The following GJB5 variants were observed in gnomAD, a reference collection of about 807,000 sequenced individuals.
GJB5 encodes gap junction beta-5 protein.
For missense variants in GJB5, 333 were observed against 357.9 expected (o/e 0.93, Z 0.56); for synonymous variants, 146 against 145.5 (o/e 1.00, Z -0.02).
chr1:34,757,832 C>A lies in GJB5; in HGVS notation c.502C>A (p.Pro168Thr). Residue 168 changes from proline (P) to threonine (T), a missense_variant, in exon 2 of 2, where the codon CCA (proline) becomes ACA (threonine). Transcript: ENST00000338513. ...TCCTGTGGTCAAGTGCCACGCAGATCCATGTCCCAATATAGTGGACTGCTT... is the reference window on the plus strand; with the variant it reads ...TCCTGTGGTCAAGTGCCACGCAGATACATGTCCCAATATAGTGGACTGCTT... ...LPPVVKCHAD[P>T]CPNIVDCFIS... 1 of 1,613,962 alleles carries A rather than the reference C, an allele frequency of 6.2e-7. No individual in the cohort carries two copies. The highest frequency in any genetic ancestry group is 8.5e-7 in the Non-Finnish European group (1 of 1,179,982).
In GJB5 at chr1:34,757,893, T is replaced by G. The variant is rs771154775; in HGVS notation, c.563T>G (p.Leu188Arg). ...CCCTCAGAGAAGAACATTTTCACCCTCTTCATGGTGGCCACAGCTGCCATC... is the reference window on the plus strand; with the variant it reads ...CCCTCAGAGAAGAACATTTTCACCCGCTTCATGGTGGCCACAGCTGCCATC... ...SKPSEKNIFT[L>R]FMVATAAICI... Residue 188 changes from leucine (L) to arginine (R), a missense_variant, in exon 2 of 2, where the codon CTC becomes CGC. Physicochemically the swap from Leu to Arg is moderately radical, Grantham distance 102. Transcript: ENST00000338513. 7 of 1,613,818 alleles carry G rather than the reference T, an allele frequency of 4.3e-6. No individual in the cohort carries two copies. The African/African-American group carries it at 8.0e-5, about 18-fold the overall frequency.
In GJB5 at chr1:34,758,067, G is replaced by T. The variant is rs747402585; in HGVS notation, c.737G>T (p.Gly246Val). 4.3e-6 allele frequency: 7 copies of T among 1,613,980 alleles called. No individual in the cohort carries two copies. In the South Asian group the frequency reaches 6.6e-5, roughly 15 times the overall value. ...SSCKQDDLLS[G>V]DLIFLGSDSH... ...TGCAAACAAGACGACCTCCTTTCGG[G>T]TGACCTCATCTTTCTGGGCTCAGAC... is the stretch of plus-strand genomic sequence containing the variant. Residue 246 changes from glycine (G) to valine (V), a missense_variant, in exon 2 of 2, where the codon GGT (glycine) becomes GTT (valine). Coordinates refer to ENST00000338513, the MANE Select transcript of GJB5 (RefSeq NM_005268.4).
intron 1 of GJB5, among the ~76,000 whole-genome samples, chr1:34,756,847 T>C (rs143538726): frequency 2.0e-5 from 3 of 152,256 alleles, no homozygotes; most frequent in African/African-American, 7.2e-5. Flanking sequence ...CAGGTTCCCC[T>C]GGGGAAGGGG....
rs1465501279 is a variant in GJB5, at chr1:34,758,015, C to T, written c.685C>T (p.His229Tyr). Residue 229 changes from histidine (H) to tyrosine (Y), a missense_variant, in exon 2 of 2, where the codon CAT becomes TAT. Physicochemically the swap from His to Tyr is moderately conservative, Grantham distance 83. Coordinates refer to ENST00000338513, the MANE Select transcript of GJB5 (RefSeq NM_005268.4). Reference protein sequence around the residue: ...ARKAQAMCTGHHPHGTTSSCK... With the variant: ...ARKAQAMCTGYHPHGTTSSCK... Reference sequence around the variant, plus strand: ...GAAAGCTCAAGCCATGTGCACAGGTCATCACCCCCACGGTACCACCTCTTC... The same window carrying T: ...GAAAGCTCAAGCCATGTGCACAGGTTATCACCCCCACGGTACCACCTCTTC... The T allele has an allele frequency of 1.9e-6, 3 of 1,613,858 alleles. No individual in the cohort carries two copies. The highest frequency in any genetic ancestry group is 2.7e-5 in the African/African-American group (2 of 74,886).
At position 34,755,413 on chromosome 1, in the gene GJB5, C is replaced by T. The variant is rs1361184758; in HGVS notation, c.-25+218C>T. Among the ~76,000 whole-genome samples, 10 of 152,324 alleles carry T rather than the reference C, an allele frequency of 6.6e-5. No homozygotes were observed. The South Asian group carries it at 1.9e-3, about 28-fold the overall frequency. On this transcript the variant is annotated intron_variant, in intron 1 of 1. Transcript: ENST00000338513. Reference sequence around the variant, plus strand: ...AAGCTCAGCAGGCAGGGTAGCTCTGCCTGGGCCTGCAAAGCCCTGCCCCAC... The same window carrying T: ...AAGCTCAGCAGGCAGGGTAGCTCTGTCTGGGCCTGCAAAGCCCTGCCCCAC...
At chr1:34,756,064 G>A (rs916479345) in intron 1 of GJB5, among the ~76,000 whole-genome samples, 1 of 152,216 alleles carries the variant, frequency 6.6e-6, no homozygotes, top group Admixed American at 6.5e-5. Context: ...AGGCTCCAGA[G>A]AGCCTGGTGA....
intron 1 of GJB5, among the ~76,000 whole-genome samples, chr1:34,755,613 T>C (rs775991722): frequency 5.5e-5 from 8 of 145,054 alleles, no homozygotes; most frequent in Non-Finnish European, 1.2e-4. Flanking sequence ...CCATCCCCCG[T>C]CCAAGTGGCG....
chr1:34,756,109 G>A (rs895933154), intron 1 of GJB5, among the ~76,000 whole-genome samples: 6 of 152,206 alleles, frequency 3.9e-5, no homozygotes, highest in African/African-American at 1.4e-4. Context: ...AGGCCATCAT[G>A]AGCCCTTTAG....
At position 34,757,468 on chromosome 1, in the gene GJB5, T is replaced by C; in HGVS notation, c.138T>C (p.Asp46=). 1 of 1,614,166 alleles carries C rather than the reference T, an allele frequency of 6.2e-7. No individual in the cohort carries two copies. The highest frequency in any genetic ancestry group is 8.5e-7 in the Non-Finnish European group (1 of 1,180,036). ...YLVTAERVWS[D]DHKDFDCNTR... ...TGACGGCCGAGCGTGTGTGGAGTGATGACCACAAGGACTTCGACTGCAATA... is the reference window on the plus strand; with the variant it reads ...TGACGGCCGAGCGTGTGTGGAGTGACGACCACAAGGACTTCGACTGCAATA... The change falls in exon 2 of 2, where the codon GAT becomes GAC. Residue 46 remains aspartate, a synonymous_variant. Transcript: ENST00000338513.
rs148092547 is a variant in GJB5 at position 34,758,064 on chromosome 1, C to T, written c.734C>T (p.Ser245Leu). The change falls in exon 2 of 2, where the codon TCG becomes TTG. Residue 245 changes from serine to leucine, a missense_variant. Ser to Leu is a moderately radical substitution (Grantham distance 145). Coordinates refer to ENST00000338513, the MANE Select transcript of GJB5 (RefSeq NM_005268.4). ...TCCTGCAAACAAGACGACCTCCTTTCGGGTGACCTCATCTTTCTGGGCTCA... is the reference window on the plus strand; with the variant it reads ...TCCTGCAAACAAGACGACCTCCTTTTGGGTGACCTCATCTTTCTGGGCTCA... ...TSSCKQDDLLSGDLIFLGSDS... is the reference protein window; with the variant it reads ...TSSCKQDDLLLGDLIFLGSDS... The T allele has an allele frequency of 9.3e-6, 15 of 1,613,940 alleles. No individual in the cohort carries two copies. The highest frequency in any genetic ancestry group is 2.2e-5 in the East Asian group (1 of 44,882).
intron 1 of GJB5, among the ~76,000 whole-genome samples, chr1:34,756,511 C>T (rs1417552559): frequency 6.6e-6 from 1 of 152,158 alleles, no homozygotes; most frequent in Admixed American, 6.5e-5. Context: ...AGCAAAAGAA[C>T]CCTATTTAAC....
Position 34,758,420 on chromosome 1 carries a change from G to C in GJB5, c.*268G>C. ...GAGGGCCAATGCCCAGGGTTGGAGG[G>C]AGGAGGGCGTTCATAGAAGAACACA... On this transcript the variant is annotated 3_prime_UTR_variant, in exon 2 of 2. Transcript: ENST00000338513. The C allele has an allele frequency of 1.9e-6, 1 of 529,986 alleles. No individual in the cohort carries two copies. The allele number at this position is 529,986 out of a possible 1,614,324, so 32.8% of individuals were successfully genotyped here. A position where few individuals can be genotyped will look rare whatever the true frequency, so the allele number is the denominator to read the frequency against.
intron 1 of GJB5, among the ~76,000 whole-genome samples, chr1:34,756,122 G>C (rs1282364151): frequency 2.0e-5 from 3 of 152,078 alleles, no homozygotes; most frequent in African/African-American, 7.2e-5. Context: ...CCCTTTAGTG[G>C]CTAGGCAGAC....
Position 34,757,976 on chromosome 1 carries a change from T to C in GJB5, c.646T>C (p.Cys216Arg). The change falls in exon 2 of 2, where the codon TGC becomes CGC. Residue 216 changes from cysteine (C) to arginine (R), a missense_variant. Transcript: ENST00000338513. ...IYLVSKRCHE[C>R]LAARKAQAMC... ...CCTGGTGAGCAAGAGATGCCACGAGTGCCTGGCAGCAAGGAAAGCTCAAGC... is the reference window on the plus strand; with the variant it reads ...CCTGGTGAGCAAGAGATGCCACGAGCGCCTGGCAGCAAGGAAAGCTCAAGC... The C allele has an allele frequency of 6.2e-7, 1 of 1,613,372 alleles. No homozygotes were observed. The highest frequency in any genetic ancestry group is 1.1e-5 in the South Asian group (1 of 91,008).
chr1:34,758,143 C>G lies in GJB5; in HGVS notation c.813C>G (p.Thr271=). The G allele has an allele frequency of 6.2e-7, 1 of 1,613,324 alleles. No individual in the cohort carries two copies. The highest frequency in any genetic ancestry group is 8.5e-7 in the Non-Finnish European group (1 of 1,179,440). Residue 271 remains threonine (T), a synonymous_variant, in exon 2 of 2, where the codon ACC becomes ACG. Coordinates refer to ENST00000338513, the MANE Select transcript of GJB5 (RefSeq NM_005268.4). ...PDRPRDHVKK[T]IL ...GCCCCCGAGACCATGTGAAGAAAACCATCTTGTGAGGGGCTGCCTGGACTG... is the reference window on the plus strand; with the variant it reads ...GCCCCCGAGACCATGTGAAGAAAACGATCTTGTGAGGGGCTGCCTGGACTG...
In GJB5 at chr1:34,757,799, A is replaced by G; in HGVS notation, c.469A>G (p.Ile157Val). The change falls in exon 2 of 2, where the codon ATC becomes GTC. Residue 157 changes from isoleucine to valine, a missense_variant. By Grantham distance (29) the Ile-to-Val change is conservative (BLOSUM62 3). Coordinates refer to ENST00000338513, the MANE Select transcript of GJB5 (RefSeq NM_005268.4). ...YVFHSFYPKY[I>V]LPPVVKCHAD... ...GTTCCACTCATTCTACCCCAAATAT[A>G]TCCTCCCTCCTGTGGTCAAGTGCCA... 6.2e-7 allele frequency: 1 copy of G among 1,613,666 alleles called. No homozygotes were observed. The highest frequency in any genetic ancestry group is 8.5e-7 in the Non-Finnish European group (1 of 1,179,842).
rs753359366 is a variant in GJB5, at chr1:34,757,842, A to G, written c.512A>G (p.Asn171Ser). Residue 171 changes from asparagine (N) to serine (S), a missense_variant, in exon 2 of 2, where the codon AAT (asparagine) becomes AGT (serine). Physicochemically the swap from Asn to Ser is conservative, Grantham distance 46. Transcript: ENST00000338513. ...VVKCHADPCP[N>S]IVDCFISKPS... The stretch of plus-strand genomic sequence containing the variant: ...AAGTGCCACGCAGATCCATGTCCCA[A>G]TATAGTGGACTGCTTCATCTCCAAG... 2.5e-6 allele frequency: 4 copies of G among 1,613,900 alleles called. No homozygotes were observed. The Admixed American group carries it at 5.0e-5, about 20-fold the overall frequency.
intron 1 of GJB5, among the ~76,000 whole-genome samples, chr1:34,755,899 T>C (rs1337470182): frequency 6.6e-6 from 1 of 152,240 alleles, no homozygotes; most frequent in Non-Finnish European, 1.5e-5. Flanking sequence ...TCCTCATCTG[T>C]AAATTGGGAA....
chr1:34,757,032 G>T (rs1639599005), intron 1 of GJB5, among the ~76,000 whole-genome samples: 1 of 152,184 alleles, frequency 6.6e-6, no homozygotes, highest in South Asian at 2.1e-4. Context: ...AGGAATGAGT[G>T]GCTCCCTGGA....
Sources: allele counts gnomAD v4.1 joint callset (sites outside exome capture counted in the v4.1 genomes callset), GRCh38; gene constraint gnomAD v4.1.1; transcripts MANE v1.5; gene names NCBI Gene and HGNC (gene_info 2026-07-23, HGNC 2026-07-21).